The following ATP13A5 variants were observed in gnomAD, a reference collection of about 807,000 sequenced individuals.
ATP13A5 encodes the protein ATPase 13A5, also known as probable cation-transporting ATPase 13A5.
A neutral mutation model predicts 150.2 loss-of-function variants in ATP13A5; 149 were observed. That is an observed-to-expected ratio of 0.99 (90% CI 0.87 to 1.14). The LOEUF (loss-of-function observed/expected upper bound fraction) is 1.14, where lower values mean the gene tolerates loss of function less well. ATP13A5 is among the 50% of genes most tolerant of loss of function. The pLI is 0.00. For synonymous variants in ATP13A5, 497 were observed against 522.2 expected, an observed-to-expected ratio of 0.95 and a Z score of 0.66; for missense variants, 1,383 against 1,449.3, an observed-to-expected ratio of 0.95 and a Z score of 0.74.
At chr3:193,302,438 TG>T (rs1316784177) in intron 23 of ATP13A5, among the ~76,000 whole-genome samples, 6 of 152,184 alleles carry the variant, frequency 3.9e-5, no homozygotes, top group Non-Finnish European at 8.8e-5. Context: ...GCGATTTCAT[TG>T]TTTTTTTCTG....
chr3:193,322,630 A>T (rs1220553768), intron 14 of ATP13A5, 56 bp from the exon 15 acceptor site: 2 of 1,228,102 alleles, frequency 1.6e-6, no homozygotes, highest in African/African-American at 3.0e-5. Context: ...TTAAGAAAGA[A>T]ATATCTCTTA....
At chr3:193,350,284 C>A (rs1476786425) in intron 7 of ATP13A5, among the ~76,000 whole-genome samples, 1 of 151,988 alleles carries the variant, frequency 6.6e-6, no homozygotes, top group Non-Finnish European at 1.5e-5. Flanking sequence ...ATACATATAT[C>A]TGGGACCTTC....
At chr3:193,307,170 C>A in intron 22 of ATP13A5, 157 bp downstream of exon 22, 1 of 1,478,998 alleles carries the variant, frequency 6.8e-7, no homozygotes, top group Non-Finnish European at 9.0e-7. Context: ...TACTCCCCTC[C>A]GCTTCCAACC....
intron 6 of ATP13A5, 56 bp from the exon 7 acceptor site, chr3:193,351,257 G>A: frequency 6.3e-7 from 1 of 1,586,882 alleles, no homozygotes; most frequent in Non-Finnish European, 8.6e-7. Context: ...TAGCAATCAA[G>A]AAGATGTCAT....
chr3:193,327,628 T>G (rs10937580), intron 12 of ATP13A5, among the ~76,000 whole-genome samples: 129,294 of 152,214 alleles, frequency 0.85, 55,091 homozygotes, highest in East Asian at 0.98. Context: ...GGATTTTATT[T>G]TTAGATCAAG....
intron 12 of ATP13A5, among the ~76,000 whole-genome samples, chr3:193,329,521 C>G (rs1711548843): frequency 6.6e-6 from 1 of 152,116 alleles, no homozygotes; most frequent in African/African-American, 2.4e-5. Flanking sequence ...TCATAAGTCT[C>G]CCTCTTATAT....
chr3:193,364,367 A>C, intron 1 of ATP13A5, 87 bp from the exon 2 acceptor site: 1 of 1,496,560 alleles, frequency 6.7e-7, no homozygotes, highest in South Asian at 1.3e-5. Context: ...ACTTGAGATG[A>C]AAGAATGTTG....
intron 26 of ATP13A5, among the ~76,000 whole-genome samples, chr3:193,288,434 C>T (rs188541883): frequency 5.3e-5 from 8 of 152,202 alleles, no homozygotes; most frequent in Admixed American, 2.6e-4. Context: ...AGTCAGCAGC[C>T]GCTCAGCTTG....
chr3:193,281,107 T>C, intron 27 of ATP13A5: 2 of 817,498 alleles, frequency 2.4e-6, no homozygotes, highest in Non-Finnish European at 3.0e-6. Context: ...AAAGTAGGAA[T>C]TGCATCTCTC....
chr3:193,302,563 T>A lies in ATP13A5; in HGVS notation c.2679-1256A>T, dbSNP rs146627587. ...CAAAATTACTGCTATTCCTAATGAT[T>A]GTGAATTTTAAGTAGCTCATGCATT... On this transcript the variant is annotated intron_variant, in intron 23 of 29. Coordinates refer to ENST00000342358, the MANE Select transcript of ATP13A5 (RefSeq NM_198505.4). Among the ~76,000 whole-genome samples the A allele has an allele frequency of 9.2e-5, 14 of 152,330 alleles. No homozygotes were observed. The East Asian group carries it at 2.7e-3, about 29-fold the overall frequency.
intron 19 of ATP13A5, among the ~76,000 whole-genome samples, chr3:193,312,519 C>T (rs1343711893): frequency 6.6e-6 from 1 of 152,212 alleles, no homozygotes; most frequent in Non-Finnish European, 1.5e-5. Context: ...AACCCTTTCC[C>T]TCCTTCCTTG....
In ATP13A5 at chr3:193,314,117, A is replaced by T. The variant is rs1180451274; in HGVS notation, c.2235T>A (p.Val745=). ...MIPPGSQVII[V]EADEPEEFVP... ...CAAATTCTTCTGGTTCATCGGCCTC[A>T]ACAATGATCACTTGGCTGCCTGGAG... Residue 745 remains valine (V), a synonymous_variant, in exon 19 of 30, where the codon GTT becomes GTA. Transcript: ENST00000342358. 1 of 1,613,858 alleles carries T rather than the reference A, an allele frequency of 6.2e-7. No homozygotes were observed. Among genetic ancestry groups the T allele is most frequent in the Non-Finnish European group, 8.5e-7 (1 of 1,179,904 alleles).
chr3:193,288,098 G>A (rs59584216), intron 26 of ATP13A5, among the ~76,000 whole-genome samples: 1,610 of 152,282 alleles, frequency 0.011, 55 homozygotes, highest in East Asian at 0.072. Flanking sequence ...AATGGATGAA[G>A]AGTTGCTTCA....
At chr3:193,283,116 AAC>A (rs775059884) in intron 27 of ATP13A5, among the ~76,000 whole-genome samples, 4 of 152,186 alleles carry the variant, frequency 2.6e-5, no homozygotes, top group East Asian at 1.9e-4. Flanking sequence ...TGTACAGACA[AAC>A]ACATATATGA....
At chr3:193,310,564 C>A in intron 21 of ATP13A5, 74 bp downstream of exon 21, 1 of 1,220,126 alleles carries the variant, frequency 8.2e-7, no homozygotes, top group Non-Finnish European at 1.2e-6. Flanking sequence ...GCCATTCTGA[C>A]TCACACCTGA....
At chr3:193,323,503 T>A (rs994904465) in intron 14 of ATP13A5, 10 of 152,142 alleles carry the variant, frequency 6.6e-5, no homozygotes, top group African/African-American at 2.4e-4. Context: ...CCCAACCAAG[T>A]ATGTTATTTG....
intron 17 of ATP13A5, among the ~76,000 whole-genome samples, chr3:193,318,311 G>T (rs974374384): frequency 2.0e-5 from 3 of 152,130 alleles, no homozygotes; most frequent in African/African-American, 7.2e-5. Context: ...GAAATAAATA[G>T]ATTTTCTGCT....
chr3:193,322,878 G>A (rs1229073317), intron 14 of ATP13A5, among the ~76,000 whole-genome samples: 1 of 152,178 alleles, frequency 6.6e-6, no homozygotes, highest in East Asian at 1.9e-4. Context: ...TTGGAGGAGG[G>A]ATTAAGTGGA....
intron 12 of ATP13A5, among the ~76,000 whole-genome samples, chr3:193,329,771 C>G (rs1170616723): frequency 2.0e-5 from 3 of 152,160 alleles, no homozygotes; most frequent in Non-Finnish European, 4.4e-5. Flanking sequence ...TGGAGTCACT[C>G]CCATTTGCCT....
Sources: allele counts gnomAD v4.1 joint callset (sites outside exome capture counted in the v4.1 genomes callset), GRCh38; gene constraint gnomAD v4.1.1; transcripts MANE v1.5; gene names NCBI Gene and HGNC (gene_info 2026-07-23, HGNC 2026-07-21).